The following GRAMD1C variants were observed in gnomAD, a reference collection of about 807,000 sequenced individuals.
GRAMD1C encodes the protein GRAM domain containing 1C.
A neutral mutation model predicts 97.8 loss-of-function variants in GRAMD1C; 89 were observed. That is an observed-to-expected ratio of 0.91 (90% CI 0.77 to 1.09). The LOEUF is 1.09. Among genes scored for constraint, GRAMD1C ranks in the 50% least tolerant of loss-of-function variants. GRAMD1C has a pLI of 0.00. For synonymous variants in GRAMD1C, 256 were observed against 267.0 expected, an observed-to-expected ratio of 0.96 and a Z score of 0.40; for missense variants, 740 against 766.4, an observed-to-expected ratio of 0.97 and a Z score of 0.41.
At chr3:113,861,329 A>T (rs1934366689) in intron 2 of GRAMD1C, among the ~76,000 whole-genome samples, 2 of 152,290 alleles carry the variant, frequency 1.3e-5, no homozygotes, top group South Asian at 4.1e-4. Flanking sequence ...CAGGAGAAAA[A>T]ATAGATAAAT....
chr3:113,895,795 A>G (rs933127770), intron 6 of GRAMD1C, among the ~76,000 whole-genome samples: 4 of 152,048 alleles, frequency 2.6e-5, no homozygotes, highest in Non-Finnish European at 4.4e-5. Flanking sequence ...AGAAACCTAG[A>G]TGTATCCTTT....
At chr3:113,861,579 C>T (rs1934376136) in intron 2 of GRAMD1C, among the ~76,000 whole-genome samples, 1 of 151,984 alleles carries the variant, frequency 6.6e-6, no homozygotes, top group Non-Finnish European at 1.5e-5. Flanking sequence ...AAAAGATCAC[C>T]CACAGAATGA....
chr3:113,832,884 C>T (rs1440390906), intron 1 of GRAMD1C, among the ~76,000 whole-genome samples: 1 of 152,068 alleles, frequency 6.6e-6, no homozygotes, highest in Non-Finnish European at 1.5e-5. Context: ...CTGCCTTAGC[C>T]GAGCAAAAAG....
chr3:113,890,824 A>G, intron 6 of GRAMD1C: 1 of 679,916 alleles, frequency 1.5e-6, no homozygotes, highest in Non-Finnish European at 2.7e-6. Context: ...TCAGGTTTAC[A>G]GATGAGCCAA....
intron 10 of GRAMD1C, 53 bp downstream of exon 10, chr3:113,915,891 T>C (rs1189459567): frequency 7.4e-7 from 1 of 1,349,438 alleles, no homozygotes; most frequent in East Asian, 2.3e-5. Context: ...GCTATTATTC[T>C]TAGAATATTG....
intron 10 of GRAMD1C, among the ~76,000 whole-genome samples, chr3:113,926,395 A>AT (rs1256073754): frequency 6.6e-6 from 1 of 152,100 alleles, no homozygotes; most frequent in African/African-American, 2.4e-5. Flanking sequence ...TAAAATGGCC[A>AT]TTTTGTCTTT....
intron 3 of GRAMD1C, among the ~76,000 whole-genome samples, chr3:113,872,391 C>CTTTT (rs777339692): frequency 4.3e-4 from 51 of 117,460 alleles, no homozygotes; most frequent in African/African-American, 1.1e-3. Flanking sequence ...TCTTTTTTTT[C>CTTTT]TTTTTTTTTT....
intron 2 of GRAMD1C, among the ~76,000 whole-genome samples, chr3:113,863,134 A>G (rs886360942): frequency 6.6e-6 from 1 of 152,224 alleles, no homozygotes; most frequent in African/African-American, 2.4e-5. Flanking sequence ...TTTTACATGA[A>G]TATTCATAAC....
intron 6 of GRAMD1C, among the ~76,000 whole-genome samples, chr3:113,889,950 C>A (rs539899605): frequency 2.6e-5 from 4 of 152,196 alleles, no homozygotes; most frequent in Admixed American, 2.6e-4. Flanking sequence ...AAGTTTCTTT[C>A]TTTGAAGCTG....
At chr3:113,868,657 T>G (rs1265120221) in intron 2 of GRAMD1C, among the ~76,000 whole-genome samples, 1 of 152,172 alleles carries the variant, frequency 6.6e-6, no homozygotes. Flanking sequence ...TTTTCCCTTC[T>G]ATTGACAGAT....
upstream of GRAMD1C, among the ~76,000 whole-genome samples, chr3:113,836,626 G>GTTA (rs904426184): frequency 2.5e-4 from 38 of 151,146 alleles, no homozygotes; most frequent in African/African-American, 6.3e-4. Flanking sequence ...ATAGCCACAA[G>GTTA]TTATTATTAT....
At chr3:113,928,215 A>G (rs1937295546) in intron 10 of GRAMD1C, among the ~76,000 whole-genome samples, 1 of 152,094 alleles carries the variant, frequency 6.6e-6, no homozygotes, top group African/African-American at 2.4e-5. Context: ...ATGGTTTCTT[A>G]GATGATCAGC....
chr3:113,868,979 CAG>C (rs151145302), intron 2 of GRAMD1C, among the ~76,000 whole-genome samples: 3,594 of 152,094 alleles, frequency 0.024, 137 homozygotes, highest in African/African-American at 0.08. Context: ...TGGATTGGTA[CAG>C]AGTTTTCCCT....
intron 6 of GRAMD1C, among the ~76,000 whole-genome samples, chr3:113,889,208 A>AT (rs71144096): frequency 4.6e-5 from 7 of 151,758 alleles, no homozygotes; most frequent in African/African-American, 1.7e-4. Context: ...CTAAAAAAAA[A>AT]CGTATATCCA....
intron 13 of GRAMD1C, among the ~76,000 whole-genome samples, chr3:113,936,027 C>A (rs1026912843): frequency 6.6e-5 from 10 of 152,106 alleles, no homozygotes; most frequent in African/African-American, 1.9e-4. Context: ...TAGCACATGG[C>A]AAATTTGCTC....
rs543890590 is a variant in GRAMD1C, at chr3:113,838,856, G to GGCGGTGCGGTGCGGT, written c.-50_-36dup. ...CAGCGCGCGCTGGAGGTGGGCGCGG[G>GGCGGTGCGGTGCGGT]GCGGTGCGGTGCGGTGCGCGCGGGG... On this transcript the variant is annotated 5_prime_UTR_variant, in exon 1 of 18. Transcript: ENST00000358160. 2 of 1,207,668 alleles carry GGCGGTGCGGTGCGGT rather than the reference G, an allele frequency of 1.7e-6. No homozygotes were observed. 74.8% of individuals were successfully genotyped at this position (1,207,668 alleles called of 1,614,324 possible).
chr3:113,933,393 G>C (rs377397977), intron 11 of GRAMD1C, 118 bp from the exon 12 acceptor site: 20 of 688,152 alleles, frequency 2.9e-5, no homozygotes, highest in African/African-American at 2.3e-4. Context: ...TTTGTATATA[G>C]GTTTCTCATG....
Position 113,946,909 on chromosome 3 carries a change from G to A in GRAMD1C, c.*1431G>A, listed in dbSNP as rs1298076840. The A allele has an allele frequency of 6.6e-6, 1 of 152,170 alleles. No individual in the cohort carries two copies. Among genetic ancestry groups the A allele is most frequent in the African/African-American group, 2.4e-5 (1 of 41,448 alleles). The allele number at this position is 152,170 out of a possible 1,614,324, so 9.4% of individuals were successfully genotyped here. A position where few individuals can be genotyped will look rare whatever the true frequency, so the allele number is the denominator to read the frequency against. On this transcript the variant is annotated 3_prime_UTR_variant, in exon 18 of 18. Coordinates refer to ENST00000358160, the MANE Select transcript of GRAMD1C (RefSeq NM_017577.5). ...ACCTACCTGGGTTTGTTTTGTTTTG[G>A]TAAGGATTTATGTAGTGTCTGGCTG...
In GRAMD1C at chr3:113,946,008, A is replaced by T. The variant is rs575888945; in HGVS notation, c.*530A>T. 2 of 152,394 alleles carry T rather than the reference A, an allele frequency of 1.3e-5. No homozygotes were observed. Among genetic ancestry groups the T allele is most frequent in the East Asian group, 3.9e-4 (2 of 5,192 alleles). 9.4% of individuals were successfully genotyped at this position (152,394 alleles called of 1,614,324 possible). A position where few individuals can be genotyped will look rare whatever the true frequency, so the allele number is the denominator to read the frequency against. On this transcript the variant is annotated 3_prime_UTR_variant, in exon 18 of 18. Transcript: ENST00000358160. Reference sequence around the variant, plus strand: ...AATGTCTTCATTTATTTAGCATGCAAATTTAATAGTCAAACTTTTTGAATC... The same window carrying T: ...AATGTCTTCATTTATTTAGCATGCATATTTAATAGTCAAACTTTTTGAATC...
Sources: allele counts gnomAD v4.1 joint callset (sites outside exome capture counted in the v4.1 genomes callset), GRCh38; gene constraint gnomAD v4.1.1; transcripts MANE v1.5; gene names NCBI Gene and HGNC (gene_info 2026-07-23, HGNC 2026-07-21).